Variants in ZZEF1 observed in about 807,000 individuals in gnomAD.
The protein encoded by ZZEF1 is zinc finger ZZ-type and EF-hand domain-containing protein 1.
In ZZEF1, 157 loss-of-function variants were observed where a neutral mutation model predicts 342.8. The observed-to-expected ratio is 0.46, with a 90% CI of 0.40 to 0.52. The LOEUF is 0.52. ZZEF1 is among the 20% of genes least tolerant of loss of function. The pLI is 0.00. For missense variants in ZZEF1, 3,480 were observed against 3,725.6 expected, an observed-to-expected ratio of 0.93 and a Z score of 1.72; for synonymous variants, 1,505 against 1,429.1, an observed-to-expected ratio of 1.05 and a Z score of -1.20.
At chr17:4,067,556 TAAA>T (rs1242036138) in intron 26 of ZZEF1, among the ~76,000 whole-genome samples, 1 of 152,108 alleles carries the variant, frequency 6.6e-6, no homozygotes, top group Admixed American at 6.6e-5. Context: ...TAACAGTGAG[TAAA>T]AAAGTATTTA....
chr17:4,041,131 A>G (rs1399060976), intron 39 of ZZEF1, among the ~76,000 whole-genome samples: 4 of 152,228 alleles, frequency 2.6e-5, no homozygotes, highest in Non-Finnish European at 5.9e-5. Flanking sequence ...CTGATTTCAG[A>G]GGTGAATTAC....
chr17:4,032,382 T>C (rs551238853), intron 41 of ZZEF1, 124 bp from the exon 42 acceptor site: 94 of 1,039,088 alleles, frequency 9.0e-5, no homozygotes, highest in Non-Finnish European at 1.2e-4. Context: ...AGGATAGGGA[T>C]CTTCTCATCT....
chr17:4,024,189 T>TTTTG (rs2056345578), intron 43 of ZZEF1, among the ~76,000 whole-genome samples: 1 of 123,800 alleles, frequency 8.1e-6, no homozygotes, highest in African/African-American at 3.9e-5. Flanking sequence ...TGCCCAGGTT[T>TTTTG]TTTTTTTTTT....
At chr17:4,132,845 A>G (rs974298110) in intron 1 of ZZEF1, among the ~76,000 whole-genome samples, 1 of 151,924 alleles carries the variant, frequency 6.6e-6, no homozygotes, top group African/African-American at 2.4e-5. Flanking sequence ...GGGCGCCTGT[A>G]GTCCCAGCTA....
chr17:4,072,094 A>G (rs1457058308), intron 25 of ZZEF1, among the ~76,000 whole-genome samples: 1 of 152,168 alleles, frequency 6.6e-6, no homozygotes, highest in Non-Finnish European at 1.5e-5. Flanking sequence ...AAGCTGAGGA[A>G]GAGCCACTGG....
At chr17:4,029,772 G>A (rs2056497671) in intron 42 of ZZEF1, among the ~76,000 whole-genome samples, 1 of 151,710 alleles carries the variant, frequency 6.6e-6, no homozygotes, top group Admixed American at 6.6e-5. Context: ...TACTCAGGAG[G>A]CTGAGGCAGG....
chr17:4,124,855 T>C (rs913379172), intron 1 of ZZEF1, among the ~76,000 whole-genome samples: 7 of 152,188 alleles, frequency 4.6e-5, no homozygotes, highest in African/African-American at 1.7e-4. Context: ...AGCTTGTCTC[T>C]TGCCCATGTT....
At chr17:4,086,209 G>C (rs891516344) in intron 15 of ZZEF1, among the ~76,000 whole-genome samples, 5 of 152,220 alleles carry the variant, frequency 3.3e-5, no homozygotes, top group African/African-American at 1.2e-4. Flanking sequence ...AGAGAAGTCA[G>C]CTGAGGAAGG....
At chr17:4,099,329 A>G (rs2145424942) in intron 9 of ZZEF1, among the ~76,000 whole-genome samples, 1 of 152,240 alleles carries the variant, frequency 6.6e-6, no homozygotes, top group Non-Finnish European at 1.5e-5. Flanking sequence ...GGCTCAAACA[A>G]TCCTCCTGCC....
chr17:4,039,445 G>C (rs962665119), intron 39 of ZZEF1, among the ~76,000 whole-genome samples: 1 of 151,456 alleles, frequency 6.6e-6, no homozygotes, highest in Non-Finnish European at 1.5e-5. Flanking sequence ...ACTCCAGCCT[G>C]GGGGACAGAG....
intron 11 of ZZEF1, among the ~76,000 whole-genome samples, chr17:4,093,913 C>T (rs1055386772): frequency 1.3e-5 from 2 of 152,130 alleles, no homozygotes; most frequent in Non-Finnish European, 2.9e-5. Flanking sequence ...TTAGACTTTA[C>T]CTTCTGACTT....
Position 4,085,777 on chromosome 17 carries a change from C to G in ZZEF1, c.2539G>C (p.Val847Leu), listed in dbSNP as rs764727495. Residue 847 changes from valine to leucine, a missense_variant, in exon 16 of 55, where the codon GTG becomes CTG. By Grantham distance (32) the Val-to-Leu change is conservative (BLOSUM62 1). Around this residue, in one of 5 missense-constraint regions of ZZEF1, gnomAD observed 1,528 missense variants for 1,624.1 expected, o/e 0.94. Transcript: ENST00000381638. The stretch of plus-strand genomic sequence containing the variant: ...TCTTGTTTTAGTATCTCCATGGGCA[C>G]AGAGTCTCCATCCACCTTGTCCACC... ...DVVDKVDGDS[V>L]PMEILKQEVR... The G allele has an allele frequency of 2.6e-5, 42 of 1,614,002 alleles. No homozygotes were observed. Among genetic ancestry groups the G allele is most frequent in the Non-Finnish European group, 3.6e-5 (42 of 1,180,016 alleles).
rs750458714 is a variant in ZZEF1 at position 4,044,235 on chromosome 17, G to C, written c.6155C>G (p.Thr2052Arg). ...CAAATAGTCTTTACCTGGAAGTCCT[G>C]TAGGTGGGCTAGCATCTGCAGGTGA... is the stretch of plus-strand genomic sequence containing the variant. ...SDSPADASPP[T>R]GLPDAEDSEV... Residue 2052 changes from threonine (T) to arginine (R), a missense_variant, in exon 38 of 55, where the codon ACA becomes AGA. By Grantham distance (71) the Thr-to-Arg change is moderately conservative (BLOSUM62 -1). Around this residue, in one of 5 missense-constraint regions of ZZEF1, gnomAD observed 1,269 missense variants for 1,342.4 expected, o/e 0.95. Coordinates refer to ENST00000381638, the MANE Select transcript of ZZEF1 (RefSeq NM_015113.4). 3.7e-6 allele frequency: 6 copies of C among 1,613,810 alleles called. No individual in the cohort carries two copies. Among genetic ancestry groups the C allele is most frequent in the Non-Finnish European group, 5.1e-6 (6 of 1,179,900 alleles).
rs1428453532 is a variant in ZZEF1, at chr17:4,008,732, G to A, written c.8805+151C>T. 2.8e-6 allele frequency: 4 copies of A among 1,421,298 alleles called. No homozygotes were observed. The highest frequency in any genetic ancestry group is 5.5e-5 in the Admixed American group (2 of 36,504). 88.0% of individuals were successfully genotyped at this position (1,421,298 alleles called of 1,614,324 possible). ...CTCGTGCATGCTCTCTGAGCACCAG[G>A]AGGAAGTGACTGAACTGGAACAAGC... On this transcript the variant is annotated intron_variant, in intron 54 of 54. Transcript: ENST00000381638. This position sits in a 1 kb window ranked among gnomAD's most constrained non-coding sequence, Gnocchi z 4.2.
chr17:4,055,883 G>C (rs528117080), intron 33 of ZZEF1, among the ~76,000 whole-genome samples: 2 of 152,200 alleles, frequency 1.3e-5, no homozygotes, highest in Non-Finnish European at 2.9e-5. Context: ...GTTTCGGGAT[G>C]AAACTGTTCC....
At chr17:4,110,395 A>G (rs2058276462) in intron 5 of ZZEF1, among the ~76,000 whole-genome samples, 2 of 152,208 alleles carry the variant, frequency 1.3e-5, no homozygotes, top group Admixed American at 1.3e-4. Context: ...CAACTTAGAG[A>G]AAAGATCACA....
intron 2 of ZZEF1, among the ~76,000 whole-genome samples, chr17:4,118,417 T>C (rs989643644): frequency 2.6e-5 from 4 of 152,176 alleles, no homozygotes; most frequent in Non-Finnish European, 4.4e-5. Context: ...TCCAAAATCT[T>C]AAAGGCCTCT....
Position 4,070,549 on chromosome 17 carries a change from A to G in ZZEF1, c.4075+135T>C, listed in dbSNP as rs2057488041. On this transcript the variant is annotated intron_variant, in intron 26 of 54. Coordinates refer to ENST00000381638, the MANE Select transcript of ZZEF1 (RefSeq NM_015113.4). ...ATGAATCTTTTAATAGGCAAAGTAG[A>G]ACCAACAAGATGATGTTTACAGTTA... The G allele has an allele frequency of 2.7e-6, 3 of 1,126,478 alleles. No homozygotes were observed. In the South Asian group the frequency reaches 5.5e-5, roughly 21 times the overall value. 69.8% of individuals were successfully genotyped at this position (1,126,478 alleles called of 1,614,324 possible).
chr17:4,115,489 C>G (rs541085620), intron 3 of ZZEF1, among the ~76,000 whole-genome samples: 5 of 152,068 alleles, frequency 3.3e-5, no homozygotes, highest in Admixed American at 6.5e-5. Context: ...ATGGTGAAAC[C>G]CCATCTCTAC....
Sources: allele counts gnomAD v4.1 joint callset (sites outside exome capture counted in the v4.1 genomes callset), GRCh38; gene constraint gnomAD v4.1.1; regional missense constraint gnomAD v4.1.1; non-coding constraint Gnocchi (gnomAD v3.1); transcripts MANE v1.5; gene names NCBI Gene and HGNC (gene_info 2026-07-23, HGNC 2026-07-21).